The following PCSK1 variants were observed in gnomAD, a reference collection of about 807,000 sequenced individuals.
PCSK1 encodes the protein proprotein convertase subtilisin/kexin type 1.
A neutral mutation model predicts 90.6 loss-of-function variants in PCSK1; 56 were observed. The observed-to-expected ratio is 0.62, with a 90% CI of 0.50 to 0.77. The LOEUF (loss-of-function observed/expected upper bound fraction) is 0.77. Ranked by LOEUF, PCSK1 falls within the 30% of genes least tolerant of loss-of-function variation. PCSK1 has a pLI of 0.00. For missense variants in PCSK1, 801 were observed against 932.6 expected, an observed-to-expected ratio of 0.86 and a Z score of 1.84; for synonymous variants, 348 against 342.4, an observed-to-expected ratio of 1.02 and a Z score of -0.18.
At chr5:96,410,542 G>T (rs182153138) in intron 8 of PCSK1, among the ~76,000 whole-genome samples, 1 of 151,992 alleles carries the variant, frequency 6.6e-6, no homozygotes, top group African/African-American at 2.4e-5. Context: ...GCTTCTCAAG[G>T]CTGGGTTTAA....
chr5:96,392,905 TAA>T lies in PCSK1; in HGVS notation c.*94_*95del. 1 of 1,229,446 alleles carries T rather than the reference TAA, an allele frequency of 8.1e-7. No individual in the cohort carries two copies. Among genetic ancestry groups the T allele is most frequent in the Admixed American group, 1.7e-5 (1 of 59,000 alleles). 76.2% of individuals were successfully genotyped at this position (1,229,446 alleles called of 1,614,324 possible). A position where few individuals can be genotyped will look rare whatever the true frequency, so the allele number is the denominator to read the frequency against. ...GGTGCCACAAAGGATATTATAAGCA[TAA>T]GAATTCATGACAAAACAACCACTTC... is the stretch of plus-strand genomic sequence containing the variant. On this transcript the variant is annotated 3_prime_UTR_variant, in exon 14 of 14. Transcript: ENST00000311106.
In PCSK1 at chr5:96,412,912, AT is replaced by A. The variant is rs140995388; in HGVS notation, c.710-423del. On this transcript the variant is annotated intron_variant, in intron 6 of 13. Coordinates refer to ENST00000311106, the MANE Select transcript of PCSK1 (RefSeq NM_000439.5). ...TTGCCCTCCCTCCCACCCCAACTAA[AT>A]GACAGACCAGCTTTCAGAAAGACCC... 3,426 of 994,472 alleles carry A rather than the reference AT, an allele frequency of 3.4e-3. 145 individuals carry two copies. The African/African-American group carries it at 0.059, about 17-fold the overall frequency. 61.6% of individuals were successfully genotyped at this position (994,472 alleles called of 1,614,324 possible).
Position 96,410,834 on chromosome 5 carries a change from C to T in PCSK1, c.1035G>A (p.Glu345=), listed in dbSNP as rs955247107. Residue 345 remains glutamate (E), a synonymous_variant, in exon 8 of 14, where the codon GAG becomes GAA. Transcript: ENST00000311106. ...AGGTGGCCAGTGTGGAGGAGCACTT[C>T]TCAGCGTACCAGGGGGATAGGCCTT... is the stretch of plus-strand genomic sequence containing the variant. The part of the protein sequence containing the change: ...SQQGLSPWYA[E]KCSSTLATSY... The T allele has an allele frequency of 1.2e-5, 19 of 1,614,148 alleles. No homozygotes were observed. The highest frequency in any genetic ancestry group is 1.5e-5 in the Non-Finnish European group (18 of 1,179,998).
intron 1 of PCSK1, 63 bp downstream of exon 1, chr5:96,432,800 C>T (rs1176631017): frequency 9.2e-6 from 13 of 1,413,822 alleles, no homozygotes; most frequent in South Asian, 2.3e-5. Flanking sequence ...CTTGGAAGAC[C>T]GCGCTCCAGT....
At chr5:96,403,115 C>G (rs1033715183) in intron 9 of PCSK1, among the ~76,000 whole-genome samples, 1 of 152,056 alleles carries the variant, frequency 6.6e-6, no homozygotes, top group African/African-American at 2.4e-5. Flanking sequence ...TCATGATTAT[C>G]ACATATAGCA....
Position 96,433,178 on chromosome 5 carries a change from C to T in PCSK1, c.-136G>A. The T allele has an allele frequency of 1.2e-6, 1 of 832,002 alleles. No homozygotes were observed. The highest frequency in any genetic ancestry group is 2.0e-6 in the Non-Finnish European group (1 of 499,198). 51.5% of individuals were successfully genotyped at this position (832,002 alleles called of 1,614,324 possible). ...TGGCTCCTGGTTGCTCTGCGAAGAG[C>T]TAGGAGGCGCGAGAGGAGAGGCTGG... On this transcript the variant is annotated 5_prime_UTR_variant, in exon 1 of 14. Coordinates refer to ENST00000311106, the MANE Select transcript of PCSK1 (RefSeq NM_000439.5).
chr5:96,408,356 G>C (rs1282004283), intron 8 of PCSK1, 33 bp from the exon 9 acceptor site: 2 of 1,474,858 alleles, frequency 1.4e-6, no homozygotes, highest in Non-Finnish European at 1.9e-6. Context: ...GAAAGGCAGG[G>C]AGAACACGTG....
intron 3 of PCSK1, among the ~76,000 whole-genome samples, chr5:96,424,211 A>G (rs1013400261): frequency 2.0e-5 from 3 of 152,156 alleles, no homozygotes; most frequent in Admixed American, 6.5e-5. Flanking sequence ...AATAACCACA[A>G]TCAAAAGTGT....
chr5:96,402,251 G>C (rs1371493329), intron 9 of PCSK1, among the ~76,000 whole-genome samples: 1 of 152,182 alleles, frequency 6.6e-6, no homozygotes. Flanking sequence ...CGATTTCAAA[G>C]GTCTTACCTG....
chr5:96,426,115 CT>C (rs1349332784), intron 2 of PCSK1, among the ~76,000 whole-genome samples, 185 bp from the exon 3 acceptor site: 1 of 152,136 alleles, frequency 6.6e-6, no homozygotes, highest in Non-Finnish European at 1.5e-5. Flanking sequence ...TGAATATTTC[CT>C]CTATTACAGT....
chr5:96,425,827 C>T lies in PCSK1; in HGVS notation c.389G>A (p.Trp130Ter). The T allele has an allele frequency of 3.2e-6, 5 of 1,564,580 alleles. No homozygotes were observed. Among genetic ancestry groups the T allele is most frequent in the Non-Finnish European group, 4.4e-6 (5 of 1,134,872 alleles). The change falls in exon 3 of 14, where the codon TGG (tryptophan) becomes TAG (stop). Residue 130 changes from tryptophan to a stop codon, truncating the protein, a stop_gained. Transcript: ENST00000311106. LOFTEE classifies it high-confidence loss of function. ...LFNDPMWNQQWYLQDTRMTAA... is the reference protein window; with the variant it reads ...LFNDPMWNQQ ...CCTTCTGTAGGTACTTACCAAGTAC[C>T]ATTGCTGATTCCACATGGGATCATT...
At chr5:96,424,558 G>A (rs1010687465) in intron 3 of PCSK1, among the ~76,000 whole-genome samples, 3 of 152,150 alleles carry the variant, frequency 2.0e-5, no homozygotes, top group African/African-American at 7.2e-5. Flanking sequence ...ACAATCATGA[G>A]AACAAAATGA....
chr5:96,410,026 A>G (rs1171177559), intron 8 of PCSK1, among the ~76,000 whole-genome samples: 2 of 152,208 alleles, frequency 1.3e-5, no homozygotes, highest in African/African-American at 4.8e-5. Context: ...TAGGATCTAT[A>G]TACTTTAGCT....
Position 96,392,768 on chromosome 5 carries a change from C to T in PCSK1, c.*233G>A, listed in dbSNP as rs375371593. The T allele has an allele frequency of 1.2e-4, 68 of 570,578 alleles. No individual in the cohort carries two copies. The highest frequency in any genetic ancestry group is 8.4e-4 in the African/African-American group (45 of 53,258). 35.3% of individuals were successfully genotyped at this position (570,578 alleles called of 1,614,324 possible). A position where few individuals can be genotyped will look rare whatever the true frequency, so the allele number is the denominator to read the frequency against. On this transcript the variant is annotated 3_prime_UTR_variant, in exon 14 of 14. Transcript: ENST00000311106. ...ACTCCAGAAAGAACAAAACACTTCACTTGTGCAGACAGGAAAGATGTGTTT... is the reference window on the plus strand; with the variant it reads ...ACTCCAGAAAGAACAAAACACTTCATTTGTGCAGACAGGAAAGATGTGTTT...
rs765046112 is a variant in PCSK1, at chr5:96,423,294, T to G, written c.543+19A>C. ...CAGACAGCTCCCTAAGTCACAGTCA[T>G]GAGAAGGCACACACTTACATAGTTG... On this transcript the variant is annotated intron_variant, in intron 4 of 13. Transcript: ENST00000311106. The G allele has an allele frequency of 3.1e-6, 5 of 1,598,882 alleles. No homozygotes were observed. In the African/African-American group the frequency reaches 4.0e-5, roughly 13 times the overall value.
chr5:96,413,090 G>T, intron 6 of PCSK1: 1 of 322,604 alleles, frequency 3.1e-6, no homozygotes, highest in Non-Finnish European at 4.5e-6. Context: ...AAGCACTTTT[G>T]TTTCTAAGCC....
At position 96,392,365 on chromosome 5, in the gene PCSK1, A is replaced by AT. The variant is rs1234789198; in HGVS notation, c.*635dup. The AT allele has an allele frequency of 3.9e-5, 6 of 152,910 alleles. No individual in the cohort carries two copies. Among genetic ancestry groups the AT allele is most frequent in the African/African-American group, 1.4e-4 (6 of 41,456 alleles). 9.5% of individuals were successfully genotyped at this position (152,910 alleles called of 1,614,324 possible). On this transcript the variant is annotated 3_prime_UTR_variant, in exon 14 of 14. Coordinates refer to ENST00000311106, the MANE Select transcript of PCSK1 (RefSeq NM_000439.5). Reference sequence around the variant, plus strand: ...ACAGACACAGTGCACCAGGCAAAGAATGTTCGAAAATTGCTCAAACCAGAG... The same window carrying AT: ...ACAGACACAGTGCACCAGGCAAAGAATTGTTCGAAAATTGCTCAAACCAGAG...
chr5:96,421,760 A>G (rs561483108), intron 5 of PCSK1, 120 bp downstream of exon 5: 2 of 754,444 alleles, frequency 2.7e-6, no homozygotes, highest in African/African-American at 3.4e-5. Context: ...TGTGGTATGG[A>G]TGTTGTGCAT....
In PCSK1 at chr5:96,432,991, C is replaced by A. The variant is rs1029535554; in HGVS notation, c.52G>T (p.Ala18Ser). 5 of 1,614,204 alleles carry A rather than the reference C, an allele frequency of 3.1e-6. No individual in the cohort carries two copies. The highest frequency in any genetic ancestry group is 1.3e-5 in the African/African-American group (1 of 75,068). ...LQCTAFVLFC[A>S]WCALNSAKAK... ...TTTGCACTGTTCAGTGCACACCAAG[C>A]GCAAAAGAGGACGAAAGCAGTGCAC... Residue 18 changes from alanine to serine, a missense_variant, in exon 1 of 14, where the codon GCT becomes TCT. By Grantham distance (99) the Ala-to-Ser change is moderately conservative. Transcript: ENST00000311106.
Sources: gnomAD v4.1 joint callset for allele counts (sites outside exome capture counted in the v4.1 genomes callset) on GRCh38, gnomAD v4.1.1 for gene constraint, MANE v1.5 for transcripts, NCBI Gene and HGNC (gene_info 2026-07-23, HGNC 2026-07-21) for gene names.